KCND3: variants seen among roughly 807,000 people sequenced by gnomAD.
The protein encoded by KCND3 is A-type voltage-gated potassium channel KCND3.
Under a neutral mutation model 51.1 loss-of-function variants are expected in KCND3, and 9 were observed. The ratio of observed to expected loss-of-function variants is 0.18; its 90% CI spans 0.11 to 0.31. The LOEUF (loss-of-function observed/expected upper bound fraction) is 0.31. Ranked by LOEUF, KCND3 falls within the 10% of genes least tolerant of loss-of-function variation. The probability of loss-of-function intolerance (pLI) is 1.00; values close to 1 mark genes in which losing one functional copy is unlikely to be tolerated. For missense variants in KCND3, 526 were observed against 903.8 expected (o/e 0.58, Z 5.36); for synonymous variants, 349 against 368.0 (o/e 0.95, Z 0.59).
chr1:111,899,132 A>G (rs1251547048), intron 2 of KCND3, among the ~76,000 whole-genome samples: 2 of 152,170 alleles, frequency 1.3e-5, no homozygotes, highest in Non-Finnish European at 2.9e-5. Flanking sequence ...GTGCAGCCCC[A>G]CAGTGACTAC....
intron 2 of KCND3, among the ~76,000 whole-genome samples, chr1:111,974,170 C>T (rs1477709651): frequency 6.6e-6 from 1 of 152,104 alleles, no homozygotes; most frequent in Non-Finnish European, 1.5e-5. Context: ...TGTGTTCTGG[C>T]CGGAGAAAAG....
intron 2 of KCND3, among the ~76,000 whole-genome samples, chr1:111,837,149 T>C (rs1352388625): frequency 3.3e-5 from 5 of 152,114 alleles, no homozygotes; most frequent in Non-Finnish European, 4.4e-5. Context: ...GGAGCAAAGA[T>C]CCAGACAGGC....
intron 2 of KCND3, among the ~76,000 whole-genome samples, chr1:111,864,723 C>T (rs1322830264): frequency 6.6e-6 from 1 of 152,224 alleles, no homozygotes; most frequent in East Asian, 1.9e-4. Context: ...CAAGGTCAAG[C>T]AGCTTCCCAA....
At chr1:111,850,102 C>A (rs1667741182) in intron 2 of KCND3, among the ~76,000 whole-genome samples, 1 of 152,168 alleles carries the variant, frequency 6.6e-6, no homozygotes, top group Admixed American at 6.5e-5. Flanking sequence ...ATCTTACCAC[C>A]TTTAACTCTG....
chr1:111,931,749 G>A (rs1007865461), intron 2 of KCND3, among the ~76,000 whole-genome samples: 6 of 152,276 alleles, frequency 3.9e-5, no homozygotes, highest in African/African-American at 1.2e-4. Context: ...CATTATTTTA[G>A]GGTTTGATGT....
At chr1:111,948,568 A>G (rs1043666272) in intron 2 of KCND3, among the ~76,000 whole-genome samples, 1 of 151,962 alleles carries the variant, frequency 6.6e-6, no homozygotes, top group Non-Finnish European at 1.5e-5. Context: ...TGGGTTGGAG[A>G]GAGTTCCTAT....
At chr1:111,848,116 A>G (rs952560137) in intron 2 of KCND3, among the ~76,000 whole-genome samples, 4 of 152,242 alleles carry the variant, frequency 2.6e-5, no homozygotes, top group African/African-American at 7.2e-5. Flanking sequence ...AGACTGGAGC[A>G]TATGCCTTGT....
At chr1:111,892,751 GATTA>G (rs1335656876) in intron 2 of KCND3, among the ~76,000 whole-genome samples, 1 of 152,332 alleles carries the variant, frequency 6.6e-6, no homozygotes, top group Non-Finnish European at 1.5e-5. Context: ...TTAATTGATT[GATTA>G]ATTAATTCAT....
chr1:111,855,803 G>A (rs905982357), intron 2 of KCND3, among the ~76,000 whole-genome samples: 6 of 152,148 alleles, frequency 3.9e-5, no homozygotes, highest in African/African-American at 1.2e-4. Flanking sequence ...CAGAAACCAC[G>A]AGGGATGGCT....
intron 2 of KCND3, among the ~76,000 whole-genome samples, chr1:111,940,009 G>C (rs375326882): frequency 2.7e-5 from 4 of 146,548 alleles, no homozygotes; most frequent in Non-Finnish European, 6.0e-5. Context: ...TCATATGTTT[G>C]TTGGCCGAAT....
intron 2 of KCND3, among the ~76,000 whole-genome samples, chr1:111,869,474 T>TACTG (rs1426382248): frequency 6.6e-6 from 1 of 152,230 alleles, no homozygotes; most frequent in Non-Finnish European, 1.5e-5. Context: ...ACATTGCATA[T>TACTG]ACTGGCCCAC....
chr1:111,936,120 A>G (rs1236105603), intron 2 of KCND3, among the ~76,000 whole-genome samples: 1 of 152,232 alleles, frequency 6.6e-6, no homozygotes, highest in Admixed American at 6.5e-5. Context: ...CTGCCCCTGT[A>G]TGTATTTCAA....
chr1:111,888,341 A>C (rs1200361567), intron 2 of KCND3, among the ~76,000 whole-genome samples: 1 of 152,238 alleles, frequency 6.6e-6, no homozygotes, highest in Non-Finnish European at 1.5e-5. Context: ...ATGAGGGCAA[A>C]GATTACAGAG....
At chr1:111,984,811 C>T (rs963656540) in intron 1 of KCND3, among the ~76,000 whole-genome samples, 7 of 152,070 alleles carry the variant, frequency 4.6e-5, no homozygotes, top group African/African-American at 1.7e-4. Flanking sequence ...TGAGAATATC[C>T]TTCCCCTGGA....
intron 2 of KCND3, among the ~76,000 whole-genome samples, chr1:111,803,131 C>CT (rs1665395487): frequency 1.3e-5 from 2 of 152,126 alleles, no homozygotes; most frequent in South Asian, 4.1e-4. Flanking sequence ...GAGCCTTTGC[C>CT]TTTTTTCTCT....
intron 2 of KCND3, among the ~76,000 whole-genome samples, chr1:111,920,018 T>C (rs1671403949): frequency 6.6e-6 from 1 of 152,168 alleles, no homozygotes; most frequent in Non-Finnish European, 1.5e-5. Context: ...TTACTCCTCC[T>C]TAGGAACAGG....
At chr1:111,867,191 A>G (rs1215136511) in intron 2 of KCND3, among the ~76,000 whole-genome samples, 2 of 152,126 alleles carry the variant, frequency 1.3e-5, no homozygotes, top group South Asian at 4.2e-4. Flanking sequence ...TGGTCCCACC[A>G]TATAAGCTCT....
intron 2 of KCND3, among the ~76,000 whole-genome samples, chr1:111,875,649 C>T (rs1669015620): frequency 6.6e-6 from 1 of 152,218 alleles, no homozygotes; most frequent in Admixed American, 6.5e-5. Context: ...TTTTCCCTGG[C>T]ACAGGGGAGA....
intron 2 of KCND3, among the ~76,000 whole-genome samples, chr1:111,951,446 A>G (rs1414807274): frequency 6.6e-6 from 1 of 152,188 alleles, no homozygotes; most frequent in Non-Finnish European, 1.5e-5. Flanking sequence ...GGAACTGCTT[A>G]TAATCAGGAG....
Sources: allele counts gnomAD v4.1 joint callset (sites outside exome capture counted in the v4.1 genomes callset), GRCh38; gene constraint gnomAD v4.1.1; transcripts MANE v1.5; gene names NCBI Gene and HGNC (gene_info 2026-07-23, HGNC 2026-07-21).